Variants in HOXA3 observed in about 807,000 individuals in gnomAD.
HOXA3 encodes the protein homeobox protein Hox-A3.
Under a neutral mutation model 30.3 loss-of-function variants are expected in HOXA3, and 8 were observed. That is an observed-to-expected ratio of 0.26 (90% CI 0.15 to 0.48). HOXA3 has a LOEUF of 0.48. Ranked by LOEUF, HOXA3 falls within the 20% of genes least tolerant of loss-of-function variation. The probability of loss-of-function intolerance (pLI) is 0.99; values close to 1 mark genes in which losing one functional copy is unlikely to be tolerated. For missense variants in HOXA3, 653 were observed against 614.4 expected, an observed-to-expected ratio of 1.06 and a Z score of -0.66; for synonymous variants, 323 against 273.1, an observed-to-expected ratio of 1.18 and a Z score of -1.80.
intron 1 of HOXA3, 56 bp from the exon 2 acceptor site, chr7:27,140,242 A>G (rs1168802196): frequency 2.6e-5 from 4 of 152,144 alleles, no homozygotes; most frequent in Admixed American, 2.0e-4. Flanking sequence ...TATGTGGTAT[A>G]TAATGTTGGA....
intron 1 of HOXA3, chr7:27,145,533 G>A: frequency 8.7e-7 from 1 of 1,146,654 alleles, no homozygotes; most frequent in Non-Finnish European, 1.2e-6. Flanking sequence ...CAAAGCTCCG[G>A]GCTCCCCTGA....
At chr7:27,110,000 A>G (rs1013813280) in intron 5 of HOXA3, 115 bp downstream of exon 5, 3 of 1,274,604 alleles carry the variant, frequency 2.4e-6, no homozygotes, top group Non-Finnish European at 3.4e-6. Context: ...GTGGTGTGGG[A>G]GCAGTGAATT....
At chr7:27,142,937 C>T in intron 1 of HOXA3, 1 of 1,056,194 alleles carries the variant, frequency 9.5e-7, no homozygotes, top group Non-Finnish European at 1.4e-6. Flanking sequence ...CTCCGCAGGG[C>T]TGGGAGAAAT....
intron 1 of HOXA3, among the ~76,000 whole-genome samples, chr7:27,144,801 G>A (rs1583409491): frequency 6.6e-6 from 1 of 152,254 alleles, no homozygotes; most frequent in African/African-American, 2.4e-5. Context: ...GGCAAGTGGA[G>A]TCTCCCCGCT....
At chr7:27,143,588 T>C in intron 1 of HOXA3, 2 of 1,596,486 alleles carry the variant, frequency 1.3e-6, no homozygotes, top group Non-Finnish European at 1.7e-6. Context: ...GCAAAATGAG[T>C]TTACAAAATA....
At chr7:27,140,253 T>C (rs146337506) in intron 1 of HOXA3, 67 bp from the exon 2 acceptor site, 1 of 152,216 alleles carries the variant, frequency 6.6e-6, no homozygotes, top group East Asian at 1.9e-4. Flanking sequence ...TAATGTTGGA[T>C]GTCAACTCCC....
chr7:27,137,386 T>A (rs1021638478), intron 2 of HOXA3, among the ~76,000 whole-genome samples: 3 of 152,154 alleles, frequency 2.0e-5, no homozygotes, highest in Non-Finnish European at 4.4e-5. Context: ...CTTCAGCTTG[T>A]GGGAACAAAC....
At chr7:27,147,172 A>T in intron 1 of HOXA3, 1 of 916,422 alleles carries the variant, frequency 1.1e-6, no homozygotes, top group Non-Finnish European at 1.6e-6. Context: ...CTTCTCTTTT[A>T]AGAAGCCAAA....
At chr7:27,114,744 TACACACAC>T (rs70994629) in intron 4 of HOXA3, among the ~76,000 whole-genome samples, 2 of 93,440 alleles carry the variant, frequency 2.1e-5, no homozygotes, top group African/African-American at 3.8e-5. Flanking sequence ...ACCGACATCA[TACACACAC>T]ACACACACAC....
At chr7:27,121,681 C>T (rs936198029) in intron 4 of HOXA3, among the ~76,000 whole-genome samples, 1 of 152,102 alleles carries the variant, frequency 6.6e-6, no homozygotes, top group African/African-American at 2.4e-5. Flanking sequence ...AAATAGAATA[C>T]AAAATCTCAA....
Position 27,152,273 on chromosome 7 carries a change from C to T in HOXA3, c.-494+15G>A. 1 of 1,278,802 alleles carries T rather than the reference C, an allele frequency of 7.8e-7. No homozygotes were observed. Among genetic ancestry groups the T allele is most frequent in the Non-Finnish European group, 1.0e-6 (1 of 982,758 alleles). The allele number at this position is 1,278,802 out of a possible 1,614,324, so 79.2% of individuals were successfully genotyped here. On this transcript the variant is annotated intron_variant, in intron 1 of 5. Coordinates refer to ENST00000612286, the MANE Select transcript of HOXA3 (RefSeq NM_153631.3). ...CTCACCACCTTTGCTCCTATCTCCT[C>T]CCCACATGTCTCACCTTCAGACGGT... is the stretch of plus-strand genomic sequence containing the variant.
chr7:27,147,162 C>G, intron 1 of HOXA3: 2 of 842,764 alleles, frequency 2.4e-6, no homozygotes, highest in Non-Finnish European at 3.6e-6. Context: ...CTGATTTTTT[C>G]TTCTCTTTTA....
chr7:27,128,016 T>C (rs1785356541), intron 2 of HOXA3, among the ~76,000 whole-genome samples: 1 of 152,202 alleles, frequency 6.6e-6, no homozygotes. Flanking sequence ...CAAAAACTAA[T>C]CTCAACCCTT....
In HOXA3 at chr7:27,139,774, G is replaced by A. The variant is rs1436357705; in HGVS notation, c.-390+309C>T. On this transcript the variant is annotated intron_variant, in intron 2 of 5. Transcript: ENST00000612286. ...CGGCCCTGCCAGGTCCCCACACACA[G>A]GCCCATTCGCACACAAAAATCATCT... 2.0e-5 allele frequency among the ~76,000 whole-genome samples: 3 copies of A among 152,174 alleles called. No homozygotes were observed. In the East Asian group the frequency reaches 5.8e-4, roughly 29 times the overall value.
At chr7:27,135,384 T>A (rs1274511367) in intron 2 of HOXA3, among the ~76,000 whole-genome samples, 2 of 152,112 alleles carry the variant, frequency 1.3e-5, no homozygotes, top group African/African-American at 2.4e-5. Flanking sequence ...ATTAAAAAAA[T>A]TTCCAAACAG....
At chr7:27,114,633 T>C (rs1784572130) in intron 4 of HOXA3, among the ~76,000 whole-genome samples, 1 of 148,360 alleles carries the variant, frequency 6.7e-6, no homozygotes, top group Non-Finnish European at 1.5e-5. Flanking sequence ...CAAACAAGGG[T>C]GTTTAGAAAC....
chr7:27,142,120 T>C, intron 1 of HOXA3: 1 of 1,598,028 alleles, frequency 6.3e-7, no homozygotes, highest in Non-Finnish European at 8.5e-7. Context: ...AGCCACCAAC[T>C]CCTGTCTTCC....
intron 3 of HOXA3, chr7:27,124,423 C>G (rs1785185719): frequency 6.6e-6 from 1 of 152,222 alleles, no homozygotes; most frequent in Non-Finnish European, 1.5e-5. Flanking sequence ...AAAACCCAAG[C>G]CCGAACTCAC....
chr7:27,147,941 C>T (rs934119842), intron 1 of HOXA3, among the ~76,000 whole-genome samples: 4 of 152,240 alleles, frequency 2.6e-5, no homozygotes, highest in Admixed American at 2.6e-4. Flanking sequence ...CCGCGGCGAC[C>T]GAGGCAGCAA....
Sources: gnomAD v4.1 joint callset for allele counts (sites outside exome capture counted in the v4.1 genomes callset) on GRCh38, gnomAD v4.1.1 for gene constraint, MANE v1.5 for transcripts, NCBI Gene and HGNC (gene_info 2026-07-23, HGNC 2026-07-21) for gene names.